Variants in BCO1 observed in about 807,000 individuals in gnomAD.
BCO1 encodes the protein beta-carotene oxygenase 1.
BCO1 carries 54 observed loss-of-function variants against 56.3 expected under a neutral mutation model. The observed-to-expected ratio is 0.96, with a 90% CI of 0.77 to 1.20. The LOEUF (loss-of-function observed/expected upper bound fraction) is 1.20. BCO1 is among the 50% of genes most tolerant of loss of function. The pLI is 0.00. For missense variants in BCO1, 801 were observed against 690.9 expected (o/e 1.16, Z -1.79); for synonymous variants, 318 against 266.1 (o/e 1.20, Z -1.90).
chr16:81,240,697 T>A (rs941242119), intron 1 of BCO1, among the ~76,000 whole-genome samples: 7 of 151,868 alleles, frequency 4.6e-5, no homozygotes, highest in African/African-American at 1.7e-4. Context: ...AGTGAGACCC[T>A]GTCTCAAAAA....
intron 4 of BCO1, 152 bp downstream of exon 4, chr16:81,262,435 T>G: frequency 1.3e-6 from 1 of 763,034 alleles, no homozygotes; most frequent in Non-Finnish European, 2.3e-6. Flanking sequence ...CCACACTTAC[T>G]GCTAGATGCT....
At chr16:81,245,169 G>T (rs149870659) in intron 1 of BCO1, among the ~76,000 whole-genome samples, 55 of 152,318 alleles carry the variant, frequency 3.6e-4, no homozygotes, top group African/African-American at 1.3e-3. Flanking sequence ...TGGGATTACA[G>T]GCGTGAGCCA....
At chr16:81,274,818 C>G (rs1353177056) in intron 7 of BCO1, among the ~76,000 whole-genome samples, 1 of 151,900 alleles carries the variant, frequency 6.6e-6, no homozygotes, top group Non-Finnish European at 1.5e-5. Flanking sequence ...GTGGAGGCTG[C>G]AGTGAGCTGA....
chr16:81,276,519 C>G (rs1387588797), intron 7 of BCO1, among the ~76,000 whole-genome samples: 2 of 152,206 alleles, frequency 1.3e-5, no homozygotes, highest in African/African-American at 4.8e-5. Context: ...AGGGCATCCA[C>G]GCAGTGAGGG....
At chr16:81,287,428 C>A (rs1252414456) in intron 10 of BCO1, 22 bp downstream of exon 10, 2 of 1,580,922 alleles carry the variant, frequency 1.3e-6, no homozygotes, top group Admixed American at 3.3e-5. Flanking sequence ...AGAAGCCACG[C>A]CTAGTTGCTG....
chr16:81,281,432 C>A (rs1907876508), intron 8 of BCO1, among the ~76,000 whole-genome samples: 1 of 152,048 alleles, frequency 6.6e-6, no homozygotes, highest in African/African-American at 2.4e-5. Context: ...GGCAACAGAG[C>A]AAGACACTGT....
At chr16:81,272,598 C>G (rs1206193398) in intron 7 of BCO1, among the ~76,000 whole-genome samples, 1 of 152,114 alleles carries the variant, frequency 6.6e-6, no homozygotes, top group Admixed American at 6.6e-5. Context: ...CCAGGCCAGA[C>G]ATTATCCCCA....
intron 7 of BCO1, among the ~76,000 whole-genome samples, chr16:81,278,322 A>G (rs1057426921): frequency 6.6e-6 from 1 of 152,104 alleles, no homozygotes; most frequent in Non-Finnish European, 1.5e-5. Flanking sequence ...GATTACAGGC[A>G]TGAGCCCCCG....
At chr16:81,288,384 C>T (rs1908300067) in intron 10 of BCO1, among the ~76,000 whole-genome samples, 1 of 152,086 alleles carries the variant, frequency 6.6e-6, no homozygotes, top group South Asian at 2.1e-4. Context: ...TGCCTCAGCC[C>T]ACCAAGTAGC....
At chr16:81,246,269 C>G (rs931799541) in intron 2 of BCO1, among the ~76,000 whole-genome samples, 1 of 152,096 alleles carries the variant, frequency 6.6e-6, no homozygotes, top group Non-Finnish European at 1.5e-5. Flanking sequence ...TGAATCCACT[C>G]AGATAATCCC....
At chr16:81,243,739 A>G (rs775189853) in intron 1 of BCO1, among the ~76,000 whole-genome samples, 1 of 152,098 alleles carries the variant, frequency 6.6e-6, no homozygotes, top group Non-Finnish European at 1.5e-5. Context: ...AAGTGCTGGG[A>G]TTCAGGTATG....
chr16:81,248,857 C>G (rs573559294), intron 2 of BCO1, among the ~76,000 whole-genome samples: 3 of 152,122 alleles, frequency 2.0e-5, no homozygotes, highest in Non-Finnish European at 2.9e-5. Context: ...ACTAAAAATA[C>G]AAAAATTAGC....
chr16:81,241,189 C>G (rs1169271590), intron 1 of BCO1, among the ~76,000 whole-genome samples: 2 of 151,888 alleles, frequency 1.3e-5, no homozygotes, highest in Non-Finnish European at 2.9e-5. Context: ...TGGTGCATAT[C>G]TATAAGCCCA....
rs752026741 is a variant in BCO1, at chr16:81,290,474, A to G, written c.1541A>G (p.His514Arg). Residue 514 changes from histidine to arginine, a missense_variant, in exon 11 of 11, where the codon CAT (histidine) becomes CGT (arginine). By Grantham distance (29) the His-to-Arg change is conservative. Transcript: ENST00000258168. ...GATGTCGATATGCACATGGATCTCC[A>G]TGGATTATTCATTACAGACATGGAC... ...SVDVDMHMDL[H>R]GLFITDMDWD... 1 of 1,614,160 alleles carries G rather than the reference A, an allele frequency of 6.2e-7. No homozygotes were observed. The highest frequency in any genetic ancestry group is 8.5e-7 in the Non-Finnish European group (1 of 1,180,034).
chr16:81,248,649 T>C (rs922374908), intron 2 of BCO1, among the ~76,000 whole-genome samples: 7 of 152,114 alleles, frequency 4.6e-5, no homozygotes, highest in Non-Finnish European at 4.4e-5. Flanking sequence ...TTCCTTTCTT[T>C]TCTAAACAGA....
intron 10 of BCO1, among the ~76,000 whole-genome samples, chr16:81,288,827 C>G: frequency 6.6e-6 from 1 of 152,206 alleles, no homozygotes; most frequent in African/African-American, 2.4e-5. Context: ...GGAGGGCAGG[C>G]TGCCCCACTT....
At chr16:81,256,630 G>A (rs1906152130) in intron 2 of BCO1, among the ~76,000 whole-genome samples, 1 of 152,172 alleles carries the variant, frequency 6.6e-6, no homozygotes, top group Non-Finnish European at 1.5e-5. Flanking sequence ...GTTCATGCCT[G>A]TAATCCCAGC....
chr16:81,282,117 G>A (rs758603590), intron 8 of BCO1, among the ~76,000 whole-genome samples: 3 of 152,218 alleles, frequency 2.0e-5, no homozygotes, highest in East Asian at 1.9e-4. Context: ...GGTGGCTCAC[G>A]CCTGTAATCC....
chr16:81,245,494 G>A lies in BCO1; in HGVS notation c.84G>A (p.Leu28=). The change falls in exon 2 of 11, where the codon CTG becomes CTA. Residue 28 remains leucine (L), a synonymous_variant. Coordinates refer to ENST00000258168, the MANE Select transcript of BCO1 (RefSeq NM_017429.3). Reference sequence around the variant, plus strand: ...TCTCAGGCAAGATTCCAGCATGGCTGCAGGGAACCCTGCTCCGCAATGGGC... The same window carrying A: ...TCTCAGGCAAGATTCCAGCATGGCTACAGGGAACCCTGCTCCGCAATGGGC... ...AKVTGKIPAW[L]QGTLLRNGPG... 1.9e-6 allele frequency: 3 copies of A among 1,614,220 alleles called. No homozygotes were observed. The highest frequency in any genetic ancestry group is 2.5e-6 in the Non-Finnish European group (3 of 1,180,044).
Sources: allele counts gnomAD v4.1 joint callset (sites outside exome capture counted in the v4.1 genomes callset), GRCh38; gene constraint gnomAD v4.1.1; transcripts MANE v1.5; gene names NCBI Gene and HGNC (gene_info 2026-07-23, HGNC 2026-07-21).